The following MICU2 variants were observed in gnomAD, a reference collection of about 807,000 sequenced individuals.
MICU2 encodes mitochondrial calcium uptake 2, also known as calcium uptake protein 2, mitochondrial.
In MICU2, 64 loss-of-function variants were observed where a neutral mutation model predicts 60.4. That is an observed-to-expected ratio of 1.06 (90% confidence interval 0.87 to 1.31). MICU2 has a LOEUF of 1.31. Among genes scored for constraint, MICU2 ranks in the 50% most tolerant of loss-of-function variants. The probability of loss-of-function intolerance (pLI) is 0.00; values close to 1 mark genes in which losing one functional copy is unlikely to be tolerated. For missense variants in MICU2, 569 were observed against 531.0 expected (o/e 1.07, Z -0.70); for synonymous variants, 201 against 175.0 (o/e 1.15, Z -1.17).
chr13:21,603,823 C>G, intron 1 of MICU2, 116 bp downstream of exon 1: 1 of 1,171,502 alleles, frequency 8.5e-7, no homozygotes, highest in South Asian at 1.5e-5. Flanking sequence ...CGATCCGCAG[C>G]GGCACCTCCA....
At chr13:21,532,239 C>T (rs766876394) in intron 4 of MICU2, among the ~76,000 whole-genome samples, 24 of 152,186 alleles carry the variant, frequency 1.6e-4, no homozygotes, top group East Asian at 1.9e-4. Context: ...AATCTCTTTA[C>T]GTTCAAAACT....
chr13:21,509,806 T>TA (rs1489635484), intron 8 of MICU2, among the ~76,000 whole-genome samples, 198 bp downstream of exon 8: 1 of 152,234 alleles, frequency 6.6e-6, no homozygotes, highest in East Asian at 1.9e-4. Flanking sequence ...TATAGTAAGG[T>TA]ACGATATTTT....
intron 2 of MICU2, among the ~76,000 whole-genome samples, chr13:21,547,232 T>TTGA (rs1887438704): frequency 6.6e-6 from 1 of 152,194 alleles, no homozygotes; most frequent in Non-Finnish European, 1.5e-5. Context: ...GGCTCCACTT[T>TTGA]TGATGGGGAG....
intron 2 of MICU2, among the ~76,000 whole-genome samples, chr13:21,549,723 A>C (rs1395911853): frequency 6.6e-6 from 1 of 152,212 alleles, no homozygotes; most frequent in Non-Finnish European, 1.5e-5. Context: ...GTGTCTCTCT[A>C]AACGCCTTAT....
At chr13:21,510,606 A>C (rs1886402261) in intron 7 of MICU2, among the ~76,000 whole-genome samples, 2 of 152,144 alleles carry the variant, frequency 1.3e-5, no homozygotes, top group African/African-American at 2.4e-5. Flanking sequence ...TAAAATAACA[A>C]AAATAACAAA....
intron 7 of MICU2, 28 bp downstream of exon 7, chr13:21,514,325 C>A: frequency 6.5e-7 from 1 of 1,545,780 alleles, no homozygotes; most frequent in Non-Finnish European, 8.9e-7. Context: ...TTATAAATAT[C>A]AATTGTTTGG....
intron 4 of MICU2, among the ~76,000 whole-genome samples, chr13:21,539,099 C>T (rs1293873582): frequency 6.6e-6 from 1 of 151,994 alleles, no homozygotes; most frequent in Non-Finnish European, 1.5e-5. Context: ...AGATACTCTG[C>T]CTCATACCCT....
At position 21,564,060 on chromosome 13, in the gene MICU2, C is replaced by T. The variant is rs191685625; in HGVS notation, c.358+2737G>A. Among the ~76,000 whole-genome samples, 80 of 152,278 alleles carry T rather than the reference C, an allele frequency of 5.3e-4. 1 individual carries two copies. In the East Asian group the frequency reaches 0.013, roughly 25 times the overall value. The stretch of plus-strand genomic sequence containing the variant: ...CTAAGAATTTCTCTGCCTCTGCTTA[C>T]GTTACTTTAAATGCTGTGCACTTTT... On this transcript the variant is annotated intron_variant, in intron 2 of 11. Transcript: ENST00000382374.
At chr13:21,539,982 ATAT>A (rs1224512303) in intron 2 of MICU2, among the ~76,000 whole-genome samples, 1 of 152,212 alleles carries the variant, frequency 6.6e-6, no homozygotes, top group Non-Finnish European at 1.5e-5. Flanking sequence ...TGTATGAATC[ATAT>A]TATTAATTCT....
chr13:21,574,023 T>C (rs1169256110), intron 1 of MICU2, among the ~76,000 whole-genome samples: 1 of 152,192 alleles, frequency 6.6e-6, no homozygotes, highest in Non-Finnish European at 1.5e-5. Flanking sequence ...CGGTTGGCAG[T>C]GTATACAGTT....
chr13:21,566,799 T>C lies in MICU2; in HGVS notation c.356A>G (p.Glu119Gly), dbSNP rs768629884. 3.8e-6 allele frequency: 6 copies of C among 1,565,882 alleles called. No individual in the cohort carries two copies. The highest frequency in any genetic ancestry group is 5.2e-6 in the Non-Finnish European group (6 of 1,160,966). Residue 119 changes from glutamate (E) to glycine (G), a missense_variant and splice_region_variant, in exon 2 of 12, where the codon GAA becomes GGA. Coordinates refer to ENST00000382374, the MANE Select transcript of MICU2 (RefSeq NM_152726.3). ...AAAAAAAAAAAGACCCAACTCACGT[T>C]CCATTTGCTCAAACATCACTGAGAA... ...FLFSVMFEQM[E>G]RKTSVKKLTK...
chr13:21,538,704 T>C (rs923809856), intron 4 of MICU2, among the ~76,000 whole-genome samples: 3 of 152,034 alleles, frequency 2.0e-5, no homozygotes, highest in African/African-American at 7.2e-5. Flanking sequence ...AATGGGAGGA[T>C]GTTTGTAGGT....
chr13:21,572,734 G>A (rs1044919602), intron 1 of MICU2, among the ~76,000 whole-genome samples: 1 of 152,120 alleles, frequency 6.6e-6, no homozygotes, highest in Non-Finnish European at 1.5e-5. Context: ...CAGCCTCCAG[G>A]CTTAAGTTTG....
intron 1 of MICU2, among the ~76,000 whole-genome samples, chr13:21,602,384 C>T (rs1003936663): frequency 2.6e-5 from 4 of 151,778 alleles, no homozygotes; most frequent in Non-Finnish European, 4.4e-5. Context: ...TAGCCGGGCG[C>T]GATGGCGGGC....
chr13:21,578,088 G>C (rs1010690632), intron 1 of MICU2, among the ~76,000 whole-genome samples: 5 of 152,138 alleles, frequency 3.3e-5, no homozygotes, highest in Non-Finnish European at 5.9e-5. Context: ...GTCCTCCCTT[G>C]TGGGCATATA....
intron 1 of MICU2, among the ~76,000 whole-genome samples, chr13:21,572,969 A>G (rs751840659): frequency 5.9e-5 from 9 of 152,188 alleles, no homozygotes; most frequent in Admixed American, 3.3e-4. Flanking sequence ...TCCTGCTTAC[A>G]CAGCTAATTT....
chr13:21,533,459 G>A (rs989862401), intron 4 of MICU2, among the ~76,000 whole-genome samples: 16 of 151,808 alleles, frequency 1.1e-4, no homozygotes, highest in Admixed American at 1.0e-3. Flanking sequence ...GAGTAGCTGG[G>A]AATACAGGTG....
intron 4 of MICU2, among the ~76,000 whole-genome samples, chr13:21,533,324 ATT>A (rs35509976): frequency 2.9e-5 from 4 of 138,328 alleles, no homozygotes; most frequent in African/African-American, 2.7e-5. Flanking sequence ...AGGCAGCGCA[ATT>A]TTTTTTTTTT....
intron 4 of MICU2, among the ~76,000 whole-genome samples, chr13:21,525,733 A>G (rs1398932090): frequency 2.6e-5 from 4 of 151,734 alleles, no homozygotes; most frequent in African/African-American, 9.7e-5. Flanking sequence ...AGAAATTTCT[A>G]CTTGAGTCCT....
Sources: allele counts gnomAD v4.1 joint callset (sites outside exome capture counted in the v4.1 genomes callset), GRCh38; gene constraint gnomAD v4.1.1; transcripts MANE v1.5; gene names NCBI Gene and HGNC (gene_info 2026-07-23, HGNC 2026-07-21).